Variants in FBXL17 observed in about 807,000 individuals in gnomAD.
FBXL17 encodes F-box/LRR-repeat protein 17.
A neutral mutation model predicts 66.2 loss-of-function variants in FBXL17; 22 were observed. The observed-to-expected ratio is 0.33, with a 90% CI of 0.24 to 0.47. The LOEUF is 0.47. Ranked by LOEUF, FBXL17 falls within the 20% of genes least tolerant of loss-of-function variation. The probability of loss-of-function intolerance (pLI) is 1.00; values close to 1 mark genes in which losing one functional copy is unlikely to be tolerated. For missense variants in FBXL17, 878 were observed against 948.2 expected (o/e 0.93, Z 0.97); for synonymous variants, 474 against 400.5 (o/e 1.18, Z -2.19).
intron 6 of FBXL17, among the ~76,000 whole-genome samples, chr5:108,032,333 C>T (rs1746673044): frequency 6.6e-6 from 1 of 152,102 alleles, no homozygotes; most frequent in Non-Finnish European, 1.5e-5. Flanking sequence ...TATTGAGGCC[C>T]TAGCATGGAA....
intron 7 of FBXL17, among the ~76,000 whole-genome samples, chr5:107,891,091 G>A (rs1749183383): frequency 6.6e-6 from 1 of 152,158 alleles, no homozygotes; most frequent in East Asian, 1.9e-4. Flanking sequence ...AATGAAGTCT[G>A]CTAGGGAAGG....
At chr5:108,055,738 T>G (rs1747684220) in intron 6 of FBXL17, among the ~76,000 whole-genome samples, 1 of 151,924 alleles carries the variant, frequency 6.6e-6, no homozygotes, top group South Asian at 2.1e-4. Flanking sequence ...AACTGGACAT[T>G]CAGCCTTAAA....
At chr5:108,154,614 T>TACACACACAC (rs1268642771) in intron 6 of FBXL17, among the ~76,000 whole-genome samples, 4 of 98,286 alleles carry the variant, frequency 4.1e-5, no homozygotes, top group Admixed American at 2.1e-4. Flanking sequence ...AAAATATATA[T>TACACACACAC]ATACACACAC....
chr5:108,381,263 C>G lies in FBXL17; in HGVS notation c.429G>C (p.Glu143Asp). 7.0e-7 allele frequency: 1 copy of G among 1,430,722 alleles called. No homozygotes were observed. The highest frequency in any genetic ancestry group is 9.1e-7 in the Non-Finnish European group (1 of 1,095,018). The allele number at this position is 1,430,722 out of a possible 1,614,324, so 88.6% of individuals were successfully genotyped here. A position where few individuals can be genotyped will look rare whatever the true frequency, so the allele number is the denominator to read the frequency against. Residue 143 changes from glutamate to aspartate, a missense_variant, in exon 1 of 9, where the codon GAG becomes GAC. Glu to Asp is a conservative substitution (Grantham distance 45). Around this residue, in one of 4 missense-constraint regions of FBXL17, gnomAD observed 605 missense variants for 509.5 expected, o/e 1.19. Transcript: ENST00000542267. ...SASSPASCCK[E>D]LGLAAAAAWE... is the part of the protein sequence containing the mutation. ...AGGCGGCGGCCGCAGCCAGCCCCAA[C>G]TCTTTGCAGCAGGAGGCGGGCGACG... is the stretch of plus-strand genomic sequence containing the variant.
chr5:108,010,387 G>A (rs1363052454), intron 7 of FBXL17, among the ~76,000 whole-genome samples: 1 of 152,138 alleles, frequency 6.6e-6, no homozygotes, highest in Admixed American at 6.5e-5. Flanking sequence ...AATGTGTCTG[G>A]GGATTAAGTG....
At chr5:108,065,155 T>C (rs975724708) in intron 6 of FBXL17, among the ~76,000 whole-genome samples, 2 of 152,152 alleles carry the variant, frequency 1.3e-5, no homozygotes, top group East Asian at 1.9e-4. Flanking sequence ...TGTGTATGTA[T>C]GTGTGTGTAT....
chr5:108,263,987 G>A (rs780719375), intron 4 of FBXL17, among the ~76,000 whole-genome samples: 12 of 151,916 alleles, frequency 7.9e-5, no homozygotes, highest in African/African-American at 1.2e-4. Flanking sequence ...AGGCCGAGGC[G>A]GGTAGATCAC....
intron 5 of FBXL17, among the ~76,000 whole-genome samples, chr5:108,203,767 AT>A (rs1234788017): frequency 6.6e-6 from 1 of 152,148 alleles, no homozygotes; most frequent in Non-Finnish European, 1.5e-5. Context: ...TTGTTTGAAA[AT>A]TTAAAAGGCA....
intron 7 of FBXL17, among the ~76,000 whole-genome samples, chr5:107,949,369 T>C (rs1016894143): frequency 6.6e-6 from 1 of 152,120 alleles, no homozygotes; most frequent in Non-Finnish European, 1.5e-5. Flanking sequence ...GAATGTTATA[T>C]ATGAAAGTTA....
intron 4 of FBXL17, among the ~76,000 whole-genome samples, chr5:108,326,406 A>G (rs1051435573): frequency 2.6e-5 from 4 of 152,002 alleles, no homozygotes; most frequent in African/African-American, 9.7e-5. Context: ...CAGCCTGGCC[A>G]ATATGGTGAA....
chr5:107,892,494 C>G (rs1001208248), intron 7 of FBXL17, among the ~76,000 whole-genome samples: 2 of 151,932 alleles, frequency 1.3e-5, no homozygotes, highest in Non-Finnish European at 2.9e-5. Flanking sequence ...TTTATTTTTA[C>G]AAAGTAAAAA....
At chr5:108,370,508 G>T (rs1403483496) in intron 1 of FBXL17, among the ~76,000 whole-genome samples, 1 of 152,114 alleles carries the variant, frequency 6.6e-6, no homozygotes, top group Non-Finnish European at 1.5e-5. Context: ...ACTTTGGGAG[G>T]CCGAGGCAGG....
chr5:108,023,192 A>G (rs1754664397), intron 6 of FBXL17, among the ~76,000 whole-genome samples: 1 of 152,190 alleles, frequency 6.6e-6, no homozygotes, highest in South Asian at 2.1e-4. Flanking sequence ...CAGTGTGCTA[A>G]AAGTCATGTA....
In FBXL17 at chr5:108,381,588, C is replaced by T; in HGVS notation, c.104G>A (p.Arg35His). ...AGGGGGCACCTTGGCTGGGGTCCGGCGGGGCAGCCTGAGGAGAGGGCGCCG... is the reference window on the plus strand; with the variant it reads ...AGGGGGCACCTTGGCTGGGGTCCGGTGGGGCAGCCTGAGGAGAGGGCGCCG... ...RRRRPLLRLPRRTPAKVPPQP... is the reference protein window; with the variant it reads ...RRRRPLLRLPHRTPAKVPPQP... Residue 35 changes from arginine (R) to histidine (H), a missense_variant, in exon 1 of 9, where the codon CGC becomes CAC. Arg to His is a conservative substitution (Grantham distance 29, BLOSUM62 0). This residue lies in a region of FBXL17 where 605 missense variants were observed against 509.5 expected (regional missense o/e 1.19). Transcript: ENST00000542267. The T allele has an allele frequency of 6.9e-7, 1 of 1,457,218 alleles. No individual in the cohort carries two copies. Among genetic ancestry groups the T allele is most frequent in the South Asian group, 1.3e-5 (1 of 74,350 alleles). 90.3% of individuals were successfully genotyped at this position (1,457,218 alleles called of 1,614,324 possible).
intron 6 of FBXL17, among the ~76,000 whole-genome samples, chr5:108,033,755 CA>C (rs1388849966): frequency 1.3e-5 from 2 of 152,132 alleles, no homozygotes; most frequent in African/African-American, 4.8e-5. Context: ...TCCACATCCT[CA>C]ACAACATAGA....
At chr5:107,989,051 T>C (rs747986802) in intron 7 of FBXL17, among the ~76,000 whole-genome samples, 12 of 152,038 alleles carry the variant, frequency 7.9e-5, no homozygotes, top group Admixed American at 4.6e-4. Context: ...ACAGGCGACA[T>C]TTTGATACAT....
intron 5 of FBXL17, among the ~76,000 whole-genome samples, chr5:108,199,686 C>T (rs1753813430): frequency 6.6e-6 from 1 of 151,936 alleles, no homozygotes; most frequent in South Asian, 2.1e-4. Context: ...TGCTTTGATG[C>T]CAATTGTTCC....
chr5:108,136,519 T>C (rs989726704), intron 6 of FBXL17, among the ~76,000 whole-genome samples: 3 of 152,160 alleles, frequency 2.0e-5, no homozygotes, highest in Non-Finnish European at 2.9e-5. Flanking sequence ...TCAAGCAATA[T>C]GAAGCAAAGG....
chr5:108,069,551 AG>A (rs1183909139), intron 6 of FBXL17, among the ~76,000 whole-genome samples: 2 of 152,234 alleles, frequency 1.3e-5, no homozygotes, highest in African/African-American at 4.8e-5. Flanking sequence ...AAGAACTCAC[AG>A]GAAGAAGTCA....
Sources: gnomAD v4.1 joint callset for allele counts (sites outside exome capture counted in the v4.1 genomes callset) on GRCh38, gnomAD v4.1.1 for gene constraint, gnomAD v4.1.1 regional missense constraint, MANE v1.5 for transcripts, NCBI Gene and HGNC (gene_info 2026-07-23, HGNC 2026-07-21) for gene names.